The following KIF1A variants were observed in gnomAD, a reference collection of about 807,000 sequenced individuals.
KIF1A encodes kinesin-like protein KIF1A.
In KIF1A, 46 loss-of-function variants were observed where a neutral mutation model predicts 227.3. That is an observed-to-expected ratio of 0.20 (90% CI 0.16 to 0.26). The LOEUF is 0.26. Among genes scored for constraint, KIF1A ranks in the 10% least tolerant of loss-of-function variants. KIF1A has a pLI of 1.00. For missense variants in KIF1A, 1,683 were observed against 2,485.9 expected, an observed-to-expected ratio of 0.68 and a Z score of 6.87; for synonymous variants, 1,022 against 1,012.8, an observed-to-expected ratio of 1.01 and a Z score of -0.17.
rs1488568007 is a variant in KIF1A, at chr2:240,757,607, C to A, written c.2583-13G>T. The A allele has an allele frequency of 1.9e-6, 3 of 1,549,240 alleles. No individual in the cohort carries two copies. The highest frequency in any genetic ancestry group is 2.0e-5 in the Admixed American group (1 of 50,814). ...AGAGATGGCTGAACTGAGGTTAGTG[C>A]GACAAGACAGAGAGAAGTTAACACC... On this transcript the variant is annotated splice_polypyrimidine_tract_variant and intron_variant, in intron 26 of 48. Coordinates refer to ENST00000498729, the MANE Select transcript of KIF1A (RefSeq NM_001244008.2). This position sits in a 1 kb window ranked among gnomAD's most constrained non-coding sequence, Gnocchi z 6.2.
In KIF1A at chr2:240,719,857, C is replaced by T. The variant is rs748196598; in HGVS notation, c.4938G>A (p.Lys1646=). The T allele has an allele frequency of 9.9e-6, 16 of 1,611,950 alleles. No individual in the cohort carries two copies. Among genetic ancestry groups the T allele is most frequent in the Middle Eastern group, 1.7e-4 (1 of 6,002 alleles). ...CTGTTGCCCGGGCAGGGGAAGGGAG[C>T]TTCTTGGAGTCGGCCTCTGGCAGCA... ...PELLPEADSK[K]LPSPARATET... is the part of the protein sequence containing the mutation. The change falls in exon 46 of 49, where the codon AAG becomes AAA. Residue 1646 remains lysine, a synonymous_variant. Transcript: ENST00000498729.
chr2:240,761,961 G>T (rs1349982715), intron 23 of KIF1A, among the ~76,000 whole-genome samples: 4 of 152,174 alleles, frequency 2.6e-5, no homozygotes, highest in Non-Finnish European at 4.4e-5. Context: ...TCTGTCCACT[G>T]GGCCCTTGAG....
In KIF1A at chr2:240,777,486, A is replaced by G. The variant is rs374406093; in HGVS notation, c.883-1560T>C. ...AGCCCCCTGGGTTTCCTGCTCCCTC[A>G]CCGCCTCCCTGTCCAGTCGTGCTCT... is the stretch of plus-strand genomic sequence containing the variant. On this transcript the variant is annotated intron_variant, in intron 10 of 48. Coordinates refer to ENST00000498729, the MANE Select transcript of KIF1A (RefSeq NM_001244008.2). Among the ~76,000 whole-genome samples, 15 of 151,940 alleles carry G rather than the reference A, an allele frequency of 9.9e-5. 1 individual carries two copies. Among genetic ancestry groups the G allele is most frequent in the African/African-American group, 3.4e-4 (14 of 41,450 alleles).
chr2:240,820,872 C>A (rs1307311189), upstream of KIF1A, among the ~76,000 whole-genome samples: 1 of 152,118 alleles, frequency 6.6e-6, no homozygotes, highest in East Asian at 1.9e-4. The surrounding 1 kb of genome is among the most constrained non-coding windows in gnomAD (Gnocchi z 6.2). Flanking sequence ...GGGGACCCCC[C>A]GCCCTCCTCT....
Position 240,718,250 on chromosome 2 carries a change from G to A in KIF1A, c.5215-82C>T, listed in dbSNP as rs952613075. On this transcript the variant is annotated intron_variant, in intron 47 of 48. Coordinates refer to ENST00000498729, the MANE Select transcript of KIF1A (RefSeq NM_001244008.2). ...CTCCTGCTCCCCAGGGCCCAGGCAG[G>A]CAGGGGAGGGGCACTGCCAGGAAAG... The A allele has an allele frequency of 1.3e-5, 13 of 967,406 alleles. No individual in the cohort carries two copies. The African/African-American group carries it at 2.1e-4, about 16-fold the overall frequency. The allele number at this position is 967,406 out of a possible 1,614,324, so 59.9% of individuals were successfully genotyped here.
intron 1 of KIF1A, among the ~76,000 whole-genome samples, chr2:240,804,515 T>C (rs1283415559): frequency 6.6e-6 from 1 of 152,148 alleles, no homozygotes; most frequent in Admixed American, 6.5e-5. Flanking sequence ...ACCAGAGAAT[T>C]TGGTTTCACC....
chr2:240,794,976 C>G (rs2056202858), intron 2 of KIF1A, among the ~76,000 whole-genome samples: 1 of 152,220 alleles, frequency 6.6e-6, no homozygotes, highest in Non-Finnish European at 1.5e-5. Flanking sequence ...GCAGGCTCTC[C>G]ACCCCTACCC....
intron 40 of KIF1A, chr2:240,724,413 C>T (rs1369879116): frequency 6.1e-6 from 2 of 325,482 alleles, no homozygotes; most frequent in Non-Finnish European, 1.2e-5. Context: ...AGCAGCCCCA[C>T]TGTGCCCCGG....
intron 40 of KIF1A, 178 bp from the exon 41 acceptor site, chr2:240,724,214 G>T: frequency 1.6e-6 from 1 of 641,468 alleles, no homozygotes; most frequent in South Asian, 1.8e-5. Context: ...GACTCCCTCC[G>T]GCCCCCAGAG....
chr2:240,749,545 G>A (rs1559498522), intron 28 of KIF1A, among the ~76,000 whole-genome samples: 1 of 152,204 alleles, frequency 6.6e-6, no homozygotes, highest in East Asian at 1.9e-4. Context: ...TTGGTGAGGG[G>A]AGACCTTGGT....
At position 240,788,041 on chromosome 2, in the gene KIF1A, C is replaced by CCCCAAGTG; in HGVS notation, c.363+9_363+10insCACTTGGG. ...GCCAGGGCTGCCCCCGCCCGCCCCCCGCTTCGTGCCTGTGGGATGATGCCC... is the reference window on the plus strand; with the variant it reads ...GCCAGGGCTGCCCCCGCCCGCCCCCCCCCAAGTGGCTTCGTGCCTGTGGGATGATGCCC... On this transcript the variant is annotated intron_variant, in intron 4 of 48. Transcript: ENST00000498729. This position sits in a 1 kb window ranked among gnomAD's most constrained non-coding sequence, Gnocchi z 6.6. 1.3e-6 allele frequency: 2 copies of CCCCAAGTG among 1,520,682 alleles called. No homozygotes were observed. The highest frequency in any genetic ancestry group is 1.8e-6 in the Non-Finnish European group (2 of 1,121,316). The allele number at this position is 1,520,682 out of a possible 1,614,324, so 94.2% of individuals were successfully genotyped here.
intron 20 of KIF1A, among the ~76,000 whole-genome samples, chr2:240,764,133 G>T (rs2050860186): frequency 6.6e-6 from 1 of 152,140 alleles, no homozygotes; most frequent in Admixed American, 6.5e-5. Context: ...CATAGAGCCG[G>T]CTCTGCCCTG....
chr2:240,737,346 G>A lies in KIF1A; in HGVS notation c.3902-178C>T, dbSNP rs549565417. 61 of 558,450 alleles carry A rather than the reference G, an allele frequency of 1.1e-4. 1 individual carries two copies. Among genetic ancestry groups the A allele is most frequent in the South Asian group, 9.4e-4 (45 of 47,798 alleles). 34.6% of individuals were successfully genotyped at this position (558,450 alleles called of 1,614,324 possible). On this transcript the variant is annotated intron_variant, in intron 37 of 48. Transcript: ENST00000498729. ...CTACAGGGTCCTCAGCAACCCAGGTGCCATGTGTAGTTGCTGCTCCACGGT... is the reference window on the plus strand; with the variant it reads ...CTACAGGGTCCTCAGCAACCCAGGTACCATGTGTAGTTGCTGCTCCACGGT...
intron 8 of KIF1A, 78 bp from the exon 9 acceptor site, chr2:240,783,187 G>A: frequency 1.8e-6 from 2 of 1,142,670 alleles, no homozygotes; most frequent in South Asian, 2.5e-5. Flanking sequence ...GCCCTGGGTG[G>A]ACCTGTGCAG....
chr2:240,720,646 A>C (rs867099152), intron 45 of KIF1A: 1 of 320,698 alleles, frequency 3.1e-6, no homozygotes, highest in South Asian at 9.5e-5. Flanking sequence ...GTCTCAGGAA[A>C]GGGGAGCTTT....
intron 7 of KIF1A, 124 bp from the exon 8 acceptor site, chr2:240,783,940 G>A (rs1194055615): frequency 5.7e-5 from 42 of 731,346 alleles, no homozygotes; most frequent in Middle Eastern, 2.4e-4. Flanking sequence ...TCTGCAAGGC[G>A]CCGCCCCTCC....
At chr2:240,729,659 C>A (rs1343730415) in intron 38 of KIF1A, among the ~76,000 whole-genome samples, 2 of 152,266 alleles carry the variant, frequency 1.3e-5, no homozygotes, top group Non-Finnish European at 2.9e-5. Context: ...CCCACAACAG[C>A]CCCCTTGGGG....
chr2:240,801,145 T>C (rs1171205487), intron 1 of KIF1A, among the ~76,000 whole-genome samples: 4 of 151,574 alleles, frequency 2.6e-5, no homozygotes, highest in African/African-American at 9.7e-5. Flanking sequence ...AAATAAAATA[T>C]AAACACATGA....
chr2:240,802,123 C>A (rs2126176673), intron 1 of KIF1A, among the ~76,000 whole-genome samples: 1 of 149,008 alleles, frequency 6.7e-6, no homozygotes, highest in African/African-American at 2.5e-5. Flanking sequence ...AGCATGTAAC[C>A]TTTAAAGGAG....
Sources: allele counts gnomAD v4.1 joint callset (sites outside exome capture counted in the v4.1 genomes callset), GRCh38; gene constraint gnomAD v4.1.1; non-coding constraint Gnocchi (gnomAD v3.1); transcripts MANE v1.5; gene names NCBI Gene and HGNC (gene_info 2026-07-23, HGNC 2026-07-21).